The following NOTUM variants were observed in gnomAD, a reference collection of about 807,000 sequenced individuals.
NOTUM encodes the protein notum, palmitoleoyl-protein carboxylesterase.
In NOTUM, 36 loss-of-function variants were observed where a neutral mutation model predicts 65.5. The ratio of observed to expected loss-of-function variants is 0.55; its 90% CI spans 0.42 to 0.73. NOTUM has a LOEUF of 0.73. NOTUM is among the 30% of genes least tolerant of loss of function. NOTUM has a pLI of 0.00. For synonymous variants in NOTUM, 356 were observed against 297.9 expected (o/e 1.20, Z -2.01); for missense variants, 659 against 694.2 (o/e 0.95, Z 0.57).
Position 81,960,825 on chromosome 17 carries a change from G to C in NOTUM, c.85C>G (p.Arg29Gly), listed in dbSNP as rs768996820. The change falls in exon 1 of 11, where the codon CGG becomes GGG. Residue 29 changes from arginine (R) to glycine (G), a missense_variant. Coordinates refer to ENST00000409678, the MANE Select transcript of NOTUM (RefSeq NM_178493.6). The surrounding 1 kb of genome is among the most constrained non-coding windows in gnomAD (Gnocchi z 6.4). The part of the protein sequence containing the change: ...GSEGRKTWRR[R>G]GQQPPPPPRT... Reference sequence around the variant, plus strand: ...GGGGGAGGAGGCGGCTGCTGACCCCGGCGCCGCCAGGTCTTCCTGCCCTCG... The same window carrying C: ...GGGGGAGGAGGCGGCTGCTGACCCCCGCGCCGCCAGGTCTTCCTGCCCTCG... 2.3e-5 allele frequency: 35 copies of C among 1,524,140 alleles called. No homozygotes were observed. Among genetic ancestry groups the C allele is most frequent in the Non-Finnish European group, 3.0e-5 (34 of 1,138,358 alleles). The allele number at this position is 1,524,140 out of a possible 1,614,324, so 94.4% of individuals were successfully genotyped here.
Position 81,960,087 on chromosome 17 carries a change from C to T in NOTUM, c.324-395G>A, listed in dbSNP as rs994434357. Among the ~76,000 whole-genome samples, 1 of 152,026 alleles carries T rather than the reference C, an allele frequency of 6.6e-6. No individual in the cohort carries two copies. The highest frequency in any genetic ancestry group is 1.9e-4 in the East Asian group (1 of 5,156). On this transcript the variant is annotated intron_variant, in intron 1 of 10. Coordinates refer to ENST00000409678, the MANE Select transcript of NOTUM (RefSeq NM_178493.6). The surrounding 1 kb of genome is among the most constrained non-coding windows in gnomAD (Gnocchi z 6.4). ...GCGCGGGAGGCGCGGGCGGCACCGA[C>T]CCGGCGGGGGAGCCTTCCTGCCGAG...
At chr17:81,957,747 C>T in intron 6 of NOTUM, 59 bp downstream of exon 6, 2 of 1,209,980 alleles carry the variant, frequency 1.7e-6, no homozygotes, top group South Asian at 1.3e-5. Flanking sequence ...CACACCCCTT[C>T]CATGCACCCT....
chr17:81,959,271 G>A (rs1245950137), intron 3 of NOTUM, 200 bp downstream of exon 3: 8 of 612,230 alleles, frequency 1.3e-5, no homozygotes, highest in Non-Finnish European at 2.0e-5. Flanking sequence ...GAGGGCCAGA[G>A]CCGCTGGGTA....
At chr17:81,953,807 T>C (rs1267380925) in intron 10 of NOTUM, among the ~76,000 whole-genome samples, 3 of 150,576 alleles carry the variant, frequency 2.0e-5, no homozygotes, top group African/African-American at 4.9e-5. Flanking sequence ...GAGATGGAGT[T>C]TCACTCTTGT....
At position 81,955,417 on chromosome 17, in the gene NOTUM, G is replaced by A. The variant is rs762195246; in HGVS notation, c.1116C>T (p.Arg372=). The A allele has an allele frequency of 6.3e-6, 10 of 1,588,432 alleles. No individual in the cohort carries two copies. Among genetic ancestry groups the A allele is most frequent in the Non-Finnish European group, 7.7e-6 (9 of 1,168,114 alleles). Residue 372 remains arginine, a synonymous_variant, in exon 9 of 11, where the codon CGC becomes CGT. Transcript: ENST00000409678. ...LYIQNLGREL[R]HTLKDVPASF... The stretch of plus-strand genomic sequence containing the variant: ...CTCACGGCACGTCCTTGAGTGTGTG[G>A]CGCAGCTCGCGGCCGAGGTTCTGGA...
At position 81,960,752 on chromosome 17, in the gene NOTUM, G is replaced by A; in HGVS notation, c.158C>T (p.Pro53Leu). 1 of 1,594,950 alleles carries A rather than the reference G, an allele frequency of 6.3e-7. No individual in the cohort carries two copies. The highest frequency in any genetic ancestry group is 8.5e-7 in the Non-Finnish European group (1 of 1,171,732). ...ACCCTCCACGGCCGTGAAGTCCAGC[G>A]GGAAGCTCTCCACGGGCTGTCCGGC... The part of the protein sequence containing the change: ...PAAGQPVESF[P>L]LDFTAVEGNM... The change falls in exon 1 of 11, where the codon CCG becomes CTG. Residue 53 changes from proline to leucine, a missense_variant. By Grantham distance (98) the Pro-to-Leu change is moderately conservative. Transcript: ENST00000409678. The surrounding 1 kb of genome is among the most constrained non-coding windows in gnomAD (Gnocchi z 6.4).
intron 9 of NOTUM, among the ~76,000 whole-genome samples, 175 bp downstream of exon 9, chr17:81,955,222 C>T (rs1445620031): frequency 6.6e-6 from 1 of 152,174 alleles, no homozygotes; most frequent in Non-Finnish European, 1.5e-5. Flanking sequence ...CTCAGGTGAT[C>T]CACCTGCATG....
Position 81,960,604 on chromosome 17 carries a change from G to A in NOTUM, c.306C>T (p.Asn102=), listed in dbSNP as rs963825885. The change falls in exon 1 of 11, where the codon AAC becomes AAT. Residue 102 remains asparagine (N), a synonymous_variant. Coordinates refer to ENST00000409678, the MANE Select transcript of NOTUM (RefSeq NM_178493.6). This position sits in a 1 kb window ranked among gnomAD's most constrained non-coding sequence, Gnocchi z 6.4. The part of the protein sequence containing the change: ...HLLLNTSVTC[N]DGSPAGYYLK... ...GGCCTTACCCGGCGGGGCTGCCGTC[G>A]TTGCAGGTCACCGAGGTGTTGAGTA... 6.6e-7 allele frequency: 1 copy of A among 1,512,138 alleles called. No individual in the cohort carries two copies. The highest frequency in any genetic ancestry group is 8.9e-7 in the Non-Finnish European group (1 of 1,118,752). The allele number at this position is 1,512,138 out of a possible 1,614,324, so 93.7% of individuals were successfully genotyped here. A position where few individuals can be genotyped will look rare whatever the true frequency, so the allele number is the denominator to read the frequency against.
chr17:81,954,868 C>T (rs549264284), intron 9 of NOTUM, among the ~76,000 whole-genome samples: 17 of 152,306 alleles, frequency 1.1e-4, no homozygotes, highest in African/African-American at 3.8e-4. Context: ...CCTGCTGCCT[C>T]GGCCTCCCAA....
chr17:81,957,691 T>G (rs2041443764), intron 6 of NOTUM, 115 bp downstream of exon 6: 2 of 723,102 alleles, frequency 2.8e-6, no homozygotes, highest in Admixed American at 2.3e-5. Flanking sequence ...CCTGCCAAGA[T>G]CTGCACAGGC....
Position 81,960,159 on chromosome 17 carries a change from C to T in NOTUM, c.323+428G>A, listed in dbSNP as rs1270557065. On this transcript the variant is annotated intron_variant, in intron 1 of 10. Coordinates refer to ENST00000409678, the MANE Select transcript of NOTUM (RefSeq NM_178493.6). The surrounding 1 kb of genome is among the most constrained non-coding windows in gnomAD (Gnocchi z 6.4). ...TCCCGCTGTCCCCGGCTGTCCTCGG[C>T]CTGTTGAGCGCGTGGGCGGCCCCGC... Among the ~76,000 whole-genome samples the T allele has an allele frequency of 6.6e-6, 1 of 152,062 alleles. No homozygotes were observed. The highest frequency in any genetic ancestry group is 1.9e-4 in the East Asian group (1 of 5,162).
At position 81,960,710 on chromosome 17, in the gene NOTUM, A is replaced by T; in HGVS notation, c.200T>A (p.Met67Lys). 1 of 1,604,410 alleles carries T rather than the reference A, an allele frequency of 6.2e-7. No individual in the cohort carries two copies. Among genetic ancestry groups the T allele is most frequent in the Non-Finnish European group, 8.5e-7 (1 of 1,176,218 alleles). The change falls in exon 1 of 11, where the codon ATG (methionine) becomes AAG (lysine). Residue 67 changes from methionine to lysine, a missense_variant. By Grantham distance (95) the Met-to-Lys change is moderately conservative. Transcript: ENST00000409678. The surrounding 1 kb of genome is among the most constrained non-coding windows in gnomAD (Gnocchi z 6.4). ...CTGCGCCAGGCTCTTGACTTGCGCC[A>T]TGAAGCTGTCCATGTTACCCTCCAC... ...TAVEGNMDSF[M>K]AQVKSLAQSL...
chr17:81,953,626 C>T (rs1345850407), intron 10 of NOTUM, among the ~76,000 whole-genome samples: 2 of 151,446 alleles, frequency 1.3e-5, no homozygotes, highest in East Asian at 3.9e-4. Context: ...TTTTTTGAGA[C>T]AAGGTCTCCC....
Position 81,952,856 on chromosome 17 carries a change from C to T in NOTUM, c.*105G>A. 9.8e-7 allele frequency: 1 copy of T among 1,018,530 alleles called. No individual in the cohort carries two copies. The highest frequency in any genetic ancestry group is 1.5e-6 in the Non-Finnish European group (1 of 679,812). 63.1% of individuals were successfully genotyped at this position (1,018,530 alleles called of 1,614,324 possible). A position where few individuals can be genotyped will look rare whatever the true frequency, so the allele number is the denominator to read the frequency against. ...ACCCAGACAGGGGGGACGGCTGGGG[C>T]CCTGTCCCGAAGAGACGGGAGGGCC... On this transcript the variant is annotated 3_prime_UTR_variant, in exon 11 of 11. Transcript: ENST00000409678.
rs2041397435 is a variant in NOTUM, at chr17:81,952,862, C to T, written c.*99G>A. On this transcript the variant is annotated 3_prime_UTR_variant, in exon 11 of 11. Transcript: ENST00000409678. ...ACAGGGGGGACGGCTGGGGCCCTGT[C>T]CCGAAGAGACGGGAGGGCCTGCTGG... 1.8e-6 allele frequency: 2 copies of T among 1,110,482 alleles called. No individual in the cohort carries two copies. Among genetic ancestry groups the T allele is most frequent in the Non-Finnish European group, 2.7e-6 (2 of 753,824 alleles). 68.8% of individuals were successfully genotyped at this position (1,110,482 alleles called of 1,614,324 possible).
Position 81,952,838 on chromosome 17 carries a change from CAGG to C in NOTUM, c.*120_*122del, listed in dbSNP as rs1371928265. On this transcript the variant is annotated 3_prime_UTR_variant, in exon 11 of 11. Transcript: ENST00000409678. Reference sequence around the variant, plus strand: ...CAGGAGGGCAGTGGGCAGACCCAGACAGGGGGGACGGCTGGGGCCCTGTCCCGA... The same window carrying C: ...CAGGAGGGCAGTGGGCAGACCCAGACGGGGACGGCTGGGGCCCTGTCCCGA... 3.4e-6 allele frequency: 3 copies of C among 870,200 alleles called. No individual in the cohort carries two copies. The highest frequency in any genetic ancestry group is 5.5e-6 in the Non-Finnish European group (3 of 547,412). 53.9% of individuals were successfully genotyped at this position (870,200 alleles called of 1,614,324 possible). A position where few individuals can be genotyped will look rare whatever the true frequency, so the allele number is the denominator to read the frequency against.
chr17:81,960,504 G>C lies in NOTUM; in HGVS notation c.323+83C>G. The C allele has an allele frequency of 9.7e-7, 1 of 1,034,422 alleles. No individual in the cohort carries two copies. Among genetic ancestry groups the C allele is most frequent in the Non-Finnish European group, 1.3e-6 (1 of 748,626 alleles). 64.1% of individuals were successfully genotyped at this position (1,034,422 alleles called of 1,614,324 possible). On this transcript the variant is annotated intron_variant, in intron 1 of 10. Coordinates refer to ENST00000409678, the MANE Select transcript of NOTUM (RefSeq NM_178493.6). This position sits in a 1 kb window ranked among gnomAD's most constrained non-coding sequence, Gnocchi z 6.4. ...CGGAAGCCCTTTCTCCCCGGGGAGA[G>C]AACGGCCGCGGCCCGCAGGGAAGGT...
chr17:81,958,925 G>GC lies in NOTUM; in HGVS notation c.533+9dup, dbSNP rs1439280974. The GC allele has an allele frequency of 1.2e-6, 2 of 1,608,794 alleles. No homozygotes were observed. Among genetic ancestry groups the GC allele is most frequent in the Non-Finnish European group, 1.7e-6 (2 of 1,175,934 alleles). On this transcript the variant is annotated intron_variant, in intron 4 of 10. Transcript: ENST00000409678. ...GCAGGACTCCCAGGCAAGACCCTGT[G>GC]CCCCCTTACACCATGTTTGCGTTCC...
chr17:81,956,645 C>T lies in NOTUM; in HGVS notation c.988+5G>A, dbSNP rs760375361. 2 of 1,601,722 alleles carry T rather than the reference C, an allele frequency of 1.2e-6. No homozygotes were observed. Among genetic ancestry groups the T allele is most frequent in the Non-Finnish European group, 8.5e-7 (1 of 1,169,806 alleles). ...CCTGTGTGCTCCGCTCTGCCGCCCA[C>T]TCACAGCGCAGGGTCGGGTAGACCT... is the stretch of plus-strand genomic sequence containing the variant. On this transcript the variant is annotated splice_donor_5th_base_variant and intron_variant, in intron 8 of 10. Transcript: ENST00000409678.
Sources: gnomAD v4.1 joint callset for allele counts (sites outside exome capture counted in the v4.1 genomes callset) on GRCh38, gnomAD v4.1.1 for gene constraint, Gnocchi (gnomAD v3.1) non-coding constraint, MANE v1.5 for transcripts, NCBI Gene and HGNC (gene_info 2026-07-23, HGNC 2026-07-21) for gene names.